DNA2: variants seen among roughly 807,000 people sequenced by gnomAD.
The protein encoded by DNA2 is DNA replication ATP-dependent helicase/nuclease DNA2.
DNA2 carries 101 observed loss-of-function variants against 119.1 expected under a neutral mutation model. That is an observed-to-expected ratio of 0.85 (90% CI 0.72 to 1.00). The LOEUF (loss-of-function observed/expected upper bound fraction) is 1.00. Among genes scored for constraint, DNA2 ranks in the 50% least tolerant of loss-of-function variants. DNA2 has a pLI of 0.00. For missense variants in DNA2, 1,121 were observed against 1,255.5 expected (o/e 0.89, Z 1.62); for synonymous variants, 366 against 424.4 (o/e 0.86, Z 1.69).
At chr10:68,456,073 T>G (rs2052178404) in intron 5 of DNA2, among the ~76,000 whole-genome samples, 1 of 151,674 alleles carries the variant, frequency 6.6e-6, no homozygotes, top group Non-Finnish European at 1.5e-5. Context: ...AATACAAAAA[T>G]TAGCCAGGCA....
upstream of DNA2, chr10:68,472,212 A>T (rs1254497007): frequency 8.1e-7 from 1 of 1,236,848 alleles, no homozygotes; most frequent in Non-Finnish European, 1.0e-6. Context: ...CTCCTGCTTC[A>T]GCCTCCCAAG....
intron 4 of DNA2, among the ~76,000 whole-genome samples, chr10:68,461,218 C>T (rs761138115): frequency 2.6e-5 from 4 of 152,102 alleles, no homozygotes; most frequent in African/African-American, 7.2e-5. Flanking sequence ...AGGGTTCTTA[C>T]AAGGTCAAAA....
intron 19 of DNA2, among the ~76,000 whole-genome samples, 198 bp from the exon 20 acceptor site, chr10:68,417,053 G>A (rs1359573003): frequency 2.0e-5 from 3 of 152,026 alleles, no homozygotes; most frequent in African/African-American, 7.2e-5. Flanking sequence ...AGACCAGCCC[G>A]TGCAACACAG....
At chr10:68,443,222 A>G in intron 8 of DNA2, 111 bp from the exon 9 acceptor site, 7 of 920,798 alleles carry the variant, frequency 7.6e-6, no homozygotes, top group African/African-American at 1.7e-5. Flanking sequence ...CATAACTCAT[A>G]ACCACAGCCC....
At chr10:68,471,568 G>T (rs968317550) in intron 1 of DNA2, among the ~76,000 whole-genome samples, 6 of 152,094 alleles carry the variant, frequency 3.9e-5, no homozygotes, top group African/African-American at 1.4e-4. Context: ...GGGAAACAAT[G>T]AACTGCTCGG....
intron 5 of DNA2, among the ~76,000 whole-genome samples, chr10:68,454,476 CA>C (rs959616030): frequency 6.6e-6 from 1 of 151,692 alleles, no homozygotes; most frequent in Non-Finnish European, 1.5e-5. Flanking sequence ...AGCTTATGTC[CA>C]AAAAAACTAC....
At chr10:68,471,697 C>G in intron 1 of DNA2, 94 bp downstream of exon 1, 1 of 1,419,476 alleles carries the variant, frequency 7.0e-7, no homozygotes, top group Non-Finnish European at 9.3e-7. Flanking sequence ...GGGCCCCGGG[C>G]CCGGTCAGTC....
intron 4 of DNA2, among the ~76,000 whole-genome samples, chr10:68,461,088 A>G (rs1023140521): frequency 6.6e-6 from 1 of 152,162 alleles, no homozygotes; most frequent in Non-Finnish European, 1.5e-5. Context: ...AAAAGAGAAA[A>G]AAGGGTCATA....
At position 68,448,968 on chromosome 10, in the gene DNA2, C is replaced by CGCGTGT. The variant is rs1203956193; in HGVS notation, c.939+1059_939+1060insACACGC. Among the ~76,000 whole-genome samples the CGCGTGT allele has an allele frequency of 2.2e-3, 242 of 109,646 alleles. 1 individual carries two copies. The highest frequency in any genetic ancestry group is 7.0e-3 in the African/African-American group (192 of 27,520). 71.9% of individuals were successfully genotyped at this position (109,646 alleles called of 152,430 possible). A position where few individuals can be genotyped will look rare whatever the true frequency, so the allele number is the denominator to read the frequency against. ...GTGTGTGTGTGTGTGTGTGTGTGTG[C>CGCGTGT]GTGTGTGTGTGTGTGTGTAGTAGTT... is the stretch of plus-strand genomic sequence containing the variant. On this transcript the variant is annotated intron_variant, in intron 6 of 20. Coordinates refer to ENST00000358410, the MANE Select transcript of DNA2 (RefSeq NM_001080449.3).
chr10:68,430,292 G>A (rs530546341), intron 14 of DNA2, 144 bp downstream of exon 14: 6 of 642,508 alleles, frequency 9.3e-6, no homozygotes, highest in African/African-American at 9.1e-5. Context: ...CAAACTATAA[G>A]TTAATAAACT....
chr10:68,432,670 T>A lies in DNA2; in HGVS notation c.1647-160A>T, dbSNP rs190845817. The stretch of plus-strand genomic sequence containing the variant: ...GCCAATCAAGGACAGCATGAGGCCC[T>A]GGATTGGTGGGAAAAGGCAGAGGGA... On this transcript the variant is annotated intron_variant, in intron 10 of 20. Coordinates refer to ENST00000358410, the MANE Select transcript of DNA2 (RefSeq NM_001080449.3). 4.9e-4 allele frequency among the ~76,000 whole-genome samples: 74 copies of A among 152,280 alleles called. No homozygotes were observed. The East Asian group carries it at 0.014, about 29-fold the overall frequency.
chr10:68,428,678 G>A (rs991691805), intron 14 of DNA2, among the ~76,000 whole-genome samples: 2 of 152,126 alleles, frequency 1.3e-5, no homozygotes, highest in Non-Finnish European at 2.9e-5. Context: ...ACTATCTGGG[G>A]GAAGCTCTGG....
intron 14 of DNA2, among the ~76,000 whole-genome samples, chr10:68,427,198 G>A (rs879275576): frequency 6.6e-6 from 1 of 150,530 alleles, no homozygotes; most frequent in Non-Finnish European, 1.5e-5. Flanking sequence ...GTGAAACCCC[G>A]TCTCTACTAA....
intron 4 of DNA2, among the ~76,000 whole-genome samples, chr10:68,460,307 C>T (rs1385713531): frequency 6.6e-6 from 1 of 152,004 alleles, no homozygotes; most frequent in Non-Finnish European, 1.5e-5. Flanking sequence ...TTGGGTTTCA[C>T]CATGTTGGCC....
At chr10:68,416,576 C>A in intron 20 of DNA2, 133 bp downstream of exon 20, 3 of 857,112 alleles carry the variant, frequency 3.5e-6, no homozygotes, top group Non-Finnish European at 5.6e-6. Flanking sequence ...GGGAGGCCTA[C>A]ACAGGAGGAT....
At chr10:68,455,088 C>T (rs1278463648) in intron 5 of DNA2, among the ~76,000 whole-genome samples, 3 of 151,582 alleles carry the variant, frequency 2.0e-5, no homozygotes, top group South Asian at 2.1e-4. Context: ...TACAGGCATC[C>T]GCCACCATGC....
intron 5 of DNA2, among the ~76,000 whole-genome samples, chr10:68,456,517 A>G (rs113190856): frequency 0.14 from 21,193 of 151,954 alleles, 2,127 homozygotes; most frequent in African/African-American, 0.28. Flanking sequence ...TAGTTCAAGC[A>G]ATCCTCCTGC....
Position 68,471,656 on chromosome 10 carries a change from T to C in DNA2, c.74+135A>G, listed in dbSNP as rs1039224651. ...GGCAGGCCCCGACTCCGGAGGCTCG[T>C]CGGGTGCCCAGGGAGCTGCACCGGG... is the stretch of plus-strand genomic sequence containing the variant. On this transcript the variant is annotated intron_variant, in intron 1 of 20. Coordinates refer to ENST00000358410, the MANE Select transcript of DNA2 (RefSeq NM_001080449.3). The C allele has an allele frequency of 3.3e-5, 36 of 1,100,678 alleles. No homozygotes were observed. The African/African-American group carries it at 5.6e-4, about 17-fold the overall frequency. 68.2% of individuals were successfully genotyped at this position (1,100,678 alleles called of 1,614,324 possible). A position where few individuals can be genotyped will look rare whatever the true frequency, so the allele number is the denominator to read the frequency against.
intron 20 of DNA2, 98 bp from the exon 21 acceptor site, chr10:68,415,205 C>CAA: frequency 3.1e-5 from 16 of 510,006 alleles, no homozygotes; most frequent in East Asian, 3.9e-5. Flanking sequence ...TACAGGACCA[C>CAA]AAAAAAAAAA....
Sources: allele counts gnomAD v4.1 joint callset (sites outside exome capture counted in the v4.1 genomes callset), GRCh38; gene constraint gnomAD v4.1.1; transcripts MANE v1.5; gene names NCBI Gene and HGNC (gene_info 2026-07-23, HGNC 2026-07-21).